The following SEMA6D variants were observed in gnomAD, a reference collection of about 807,000 sequenced individuals.
SEMA6D encodes the protein semaphorin-6D.
SEMA6D carries 35 observed loss-of-function variants against 106.6 expected under a neutral mutation model. The observed-to-expected ratio is 0.33, with a 90% CI of 0.25 to 0.44. The LOEUF is 0.44. SEMA6D is among the 20% of genes least tolerant of loss of function. The pLI is 1.00. For synonymous variants in SEMA6D, 499 were observed against 487.7 expected, an observed-to-expected ratio of 1.02 and a Z score of -0.31; for missense variants, 1,185 against 1,345.9, an observed-to-expected ratio of 0.88 and a Z score of 1.87.
At chr15:47,668,652 C>A (rs2078076794) in intron 4 of SEMA6D, among the ~76,000 whole-genome samples, 1 of 152,172 alleles carries the variant, frequency 6.6e-6, no homozygotes, top group Non-Finnish European at 1.5e-5. Flanking sequence ...ACCTTGATAT[C>A]ATAGTTCCCT....
At chr15:47,675,960 G>T (rs1301079184) in intron 4 of SEMA6D, among the ~76,000 whole-genome samples, 2 of 142,576 alleles carry the variant, frequency 1.4e-5, no homozygotes, top group African/African-American at 5.1e-5. Context: ...AGGGGGGAGG[G>T]GGGAGAAGCC....
intron 1 of SEMA6D, among the ~76,000 whole-genome samples, chr15:47,332,552 G>A (rs1567004692): frequency 6.6e-6 from 1 of 152,184 alleles, no homozygotes; most frequent in Admixed American, 6.5e-5. Flanking sequence ...CTTTTACCAT[G>A]CAAGCTGTGT....
At chr15:47,431,126 AT>A (rs1277318542) in intron 2 of SEMA6D, among the ~76,000 whole-genome samples, 1 of 152,160 alleles carries the variant, frequency 6.6e-6, no homozygotes, top group Non-Finnish European at 1.5e-5. Flanking sequence ...AAGAACAGAC[AT>A]GAAAACTATT....
chr15:47,623,338 T>C (rs550507018), intron 4 of SEMA6D, among the ~76,000 whole-genome samples: 93 of 152,334 alleles, frequency 6.1e-4, no homozygotes, highest in South Asian at 1.0e-3. Context: ...CTTATTTCTG[T>C]GCTAGTTTAT....
intron 1 of SEMA6D, among the ~76,000 whole-genome samples, chr15:47,340,562 A>T (rs2037774519): frequency 6.6e-6 from 1 of 151,636 alleles, no homozygotes. Context: ...ATTCATAGTT[A>T]AAAAAAATCA....
At chr15:47,608,349 C>T (rs1307440297) in intron 4 of SEMA6D, among the ~76,000 whole-genome samples, 1 of 152,154 alleles carries the variant, frequency 6.6e-6, no homozygotes, top group Non-Finnish European at 1.5e-5. Flanking sequence ...ATTACATCTA[C>T]TGGGGATGGT....
rs369250742 is a variant in SEMA6D at position 47,760,431 on chromosome 15, T to G, written c.221+16T>G. ...TTGCTGGCAGGTAATTTTCCTCTCA[T>G]TGGTTTATTAGATTAAAATTCTTTT... On this transcript the variant is annotated intron_variant, in intron 3 of 18. Coordinates refer to ENST00000536845, the MANE Select transcript of SEMA6D (RefSeq NM_001358351.3). 8.8e-6 allele frequency: 14 copies of G among 1,585,914 alleles called. No individual in the cohort carries two copies. The highest frequency in any genetic ancestry group is 1.7e-5 in the Admixed American group (1 of 59,786).
At chr15:47,231,476 C>T (rs904786060) in intron 1 of SEMA6D, among the ~76,000 whole-genome samples, 1 of 151,928 alleles carries the variant, frequency 6.6e-6, no homozygotes, top group African/African-American at 2.4e-5. Context: ...GTATGCATTA[C>T]CTTCACTAAA....
At chr15:47,309,417 G>A (rs954336627) in intron 1 of SEMA6D, among the ~76,000 whole-genome samples, 1 of 152,076 alleles carries the variant, frequency 6.6e-6, no homozygotes, top group Non-Finnish European at 1.5e-5. Flanking sequence ...AACTGTTGGG[G>A]TATCACAGTG....
At chr15:47,461,366 T>A (rs1468426632) in intron 2 of SEMA6D, among the ~76,000 whole-genome samples, 2 of 152,034 alleles carry the variant, frequency 1.3e-5, no homozygotes, top group African/African-American at 2.4e-5. Flanking sequence ...GAATGTATGC[T>A]GCATAAATAC....
Position 47,558,181 on chromosome 15 carries a change from A to G in SEMA6D, c.-86-42684A>G, listed in dbSNP as rs1199683560. On this transcript the variant is annotated intron_variant, in intron 3 of 19. Coordinates refer to the SEMA6D transcript ENST00000558014. The stretch of plus-strand genomic sequence containing the variant: ...TACAGCACTAACCTCCTCTGACTTC[A>G]TAGGATATACTGTCTATATTCTATC... Among the ~76,000 whole-genome samples the G allele has an allele frequency of 3.3e-5, 5 of 152,138 alleles. 1 individual carries two copies. The South Asian group carries it at 8.3e-4, about 25-fold the overall frequency.
intron 1 of SEMA6D, among the ~76,000 whole-genome samples, chr15:47,382,887 C>T (rs1328653142): frequency 6.6e-6 from 1 of 152,210 alleles, no homozygotes; most frequent in Non-Finnish European, 1.5e-5. Context: ...CCTGTCTCAG[C>T]CTCCTGAGTA....
At chr15:47,432,556 C>CATGTACGCATATGT (rs2041568178) in intron 2 of SEMA6D, among the ~76,000 whole-genome samples, 1 of 151,706 alleles carries the variant, frequency 6.6e-6, no homozygotes, top group African/African-American at 2.4e-5. Flanking sequence ...TGTGTATATA[C>CATGTACGCATATGT]ATATACGCAT....
intron 1 of SEMA6D, among the ~76,000 whole-genome samples, chr15:47,199,356 G>A (rs282508): frequency 0.98 from 148,610 of 152,246 alleles, 72,641 homozygotes; most frequent in Middle Eastern, 1. Context: ...GTGTTTTGCT[G>A]AGTAGTCTTG....
At chr15:47,261,907 A>G (rs575112844) in intron 1 of SEMA6D, among the ~76,000 whole-genome samples, 8 of 152,158 alleles carry the variant, frequency 5.3e-5, no homozygotes, top group African/African-American at 9.6e-5. Context: ...TATTTTGCCT[A>G]TTGTTTTTCT....
chr15:47,718,686 C>T (rs937263966), intron 1 of SEMA6D: 8 of 152,304 alleles, frequency 5.3e-5, no homozygotes, highest in Admixed American at 5.2e-4. Context: ...ACAGGGTCTC[C>T]GCCAGGCGAC....
intron 4 of SEMA6D, among the ~76,000 whole-genome samples, chr15:47,632,306 G>C (rs1402739979): frequency 6.6e-6 from 1 of 151,848 alleles, no homozygotes; most frequent in Middle Eastern, 3.2e-3. Flanking sequence ...TGTTCTCTCT[G>C]TGTTGATTAG....
intron 1 of SEMA6D, among the ~76,000 whole-genome samples, chr15:47,248,618 T>G (rs528032830): frequency 1.3e-5 from 2 of 152,352 alleles, no homozygotes; most frequent in African/African-American, 4.8e-5. Context: ...TGATTAAAAT[T>G]TTAATGACAT....
intron 1 of SEMA6D, among the ~76,000 whole-genome samples, chr15:47,341,144 CCTTGGGA>C (rs1262229037): frequency 6.6e-6 from 1 of 152,068 alleles, no homozygotes; most frequent in Non-Finnish European, 1.5e-5. Context: ...AATCCCAGCA[CCTTGGGA>C]GGCCAAGGTG....
Sources: gnomAD v4.1 joint callset for allele counts (sites outside exome capture counted in the v4.1 genomes callset) on GRCh38, gnomAD v4.1.1 for gene constraint, MANE v1.5 for transcripts, NCBI Gene and HGNC (gene_info 2026-07-23, HGNC 2026-07-21) for gene names.